NPAT: variants seen among roughly 807,000 people sequenced by gnomAD.
NPAT encodes the protein protein NPAT.
Under a neutral mutation model 130.7 loss-of-function variants are expected in NPAT, and 52 were observed. The ratio of observed to expected loss-of-function variants is 0.40; its 90% confidence interval spans 0.32 to 0.50. NPAT has a LOEUF of 0.50. NPAT is among the 20% of genes least tolerant of loss of function. The pLI is 0.68. For missense variants in NPAT, 1,687 were observed against 1,662.6 expected, an observed-to-expected ratio of 1.01 and a Z score of -0.26; for synonymous variants, 580 against 584.8, an observed-to-expected ratio of 0.99 and a Z score of 0.12.
rs574333453 is a variant in NPAT, at chr11:108,185,374, AT to A, written c.818+28del. ...ATAGTTATGCAATTAGGCAAAAACA[AT>A]TAGGCATTTTAAACATATATAGCTT... is the stretch of plus-strand genomic sequence containing the variant. On this transcript the variant is annotated intron_variant, in intron 9 of 17. Coordinates refer to ENST00000278612, the MANE Select transcript of NPAT (RefSeq NM_002519.3). 4.1e-5 allele frequency: 64 copies of A among 1,577,564 alleles called. No homozygotes were observed. The South Asian group carries it at 6.7e-4, about 17-fold the overall frequency.
chr11:108,216,421 T>A (rs903688648), intron 1 of NPAT, among the ~76,000 whole-genome samples: 6 of 152,006 alleles, frequency 3.9e-5, no homozygotes, highest in African/African-American at 1.5e-4. Context: ...CCTCTTTTTA[T>A]GCATAAATCA....
At chr11:108,164,645 C>G (rs2077884118) in intron 15 of NPAT, among the ~76,000 whole-genome samples, 1 of 152,064 alleles carries the variant, frequency 6.6e-6, no homozygotes, top group South Asian at 2.1e-4. Flanking sequence ...TCTTGTAAGT[C>G]TAATAAAAAG....
In NPAT at chr11:108,189,196, G is replaced by GTGTACC. The variant is rs1477655328; in HGVS notation, c.460_465dup (p.Gly154_Thr155dup). 5 of 1,614,094 alleles carry GTGTACC rather than the reference G, an allele frequency of 3.1e-6. 1 individual carries two copies. In the African/African-American group the frequency reaches 6.7e-5, roughly 22 times the overall value. ...ATTTGGCCACTTGGTCGAGTAACCT[G>GTGTACC]TGTACCTGTGGAAGGAGGAGTGGTA... On this transcript the variant is annotated inframe_insertion, in exon 6 of 18. Transcript: ENST00000278612.
chr11:108,161,979 A>G lies in NPAT; in HGVS notation c.3107T>C (p.Leu1036Pro), dbSNP rs2077856331. 12 of 1,603,470 alleles carry G rather than the reference A, an allele frequency of 7.5e-6. No individual in the cohort carries two copies. Among genetic ancestry groups the G allele is most frequent in the Non-Finnish European group, 1.0e-5 (12 of 1,176,016 alleles). The change falls in exon 17 of 18, where the codon CTT becomes CCT. Residue 1036 changes from leucine (L) to proline (P), a missense_variant. Physicochemically the swap from Leu to Pro is moderately conservative, Grantham distance 98. This residue lies in a region of NPAT where 1,379 missense variants were observed against 1,346.6 expected (regional missense o/e 1.02). Coordinates refer to ENST00000278612, the MANE Select transcript of NPAT (RefSeq NM_002519.3). ...EVSDKSIATD[L>P]GKKSEETTVP... is the part of the protein sequence containing the mutation. ...TGTGGTTTCTTCTGATTTTTTCCCAAGATCTGTGGCAATACTTTTGTCAGA... is the reference window on the plus strand; with the variant it reads ...TGTGGTTTCTTCTGATTTTTTCCCAGGATCTGTGGCAATACTTTTGTCAGA...
chr11:108,214,832 C>A (rs1023287802), intron 1 of NPAT, among the ~76,000 whole-genome samples: 1 of 152,068 alleles, frequency 6.6e-6, no homozygotes, highest in African/African-American at 2.4e-5. Flanking sequence ...GGGGTTTTGC[C>A]ATGTTGGCCA....
Position 108,173,507 on chromosome 11 carries a change from T to G in NPAT, c.1477A>C (p.Asn493His). 6.2e-7 allele frequency: 1 copy of G among 1,614,182 alleles called. No homozygotes were observed. Among genetic ancestry groups the G allele is most frequent in the Middle Eastern group, 1.6e-4 (1 of 6,062 alleles). ...TGTAACTGAGATTCACTCGGTACATTTGAAGACAAAGAGTTCTTTTCAATC... is the reference window on the plus strand; with the variant it reads ...TGTAACTGAGATTCACTCGGTACATGTGAAGACAAAGAGTTCTTTTCAATC... ...IGIEKNSLSS[N>H]VPSESQLQPD... Residue 493 changes from asparagine (N) to histidine (H), a missense_variant, in exon 13 of 18, where the codon AAT (asparagine) becomes CAT (histidine). Around this residue, in one of 3 missense-constraint regions of NPAT, gnomAD observed 1,379 missense variants for 1,346.6 expected, o/e 1.02. Coordinates refer to ENST00000278612, the MANE Select transcript of NPAT (RefSeq NM_002519.3).
intron 6 of NPAT, among the ~76,000 whole-genome samples, chr11:108,188,781 C>T (rs574783629): frequency 1.6e-4 from 24 of 152,272 alleles, no homozygotes; most frequent in African/African-American, 5.5e-4. Context: ...AGACTGACAT[C>T]AACAAAGGCA....
At chr11:108,211,929 GAC>G (rs2078387389) in intron 1 of NPAT, among the ~76,000 whole-genome samples, 1 of 152,038 alleles carries the variant, frequency 6.6e-6, no homozygotes, top group Admixed American at 6.6e-5. Flanking sequence ...CAGCCTGGAT[GAC>G]AGAGTAAGAA....
chr11:108,205,338 G>A (rs2078315763), intron 1 of NPAT, among the ~76,000 whole-genome samples: 1 of 152,218 alleles, frequency 6.6e-6, no homozygotes, highest in South Asian at 2.1e-4. Flanking sequence ...ATAGCTCACT[G>A]TAGCTTTGAA....
chr11:108,179,442 C>T (rs1171853995), intron 10 of NPAT, among the ~76,000 whole-genome samples: 8 of 151,928 alleles, frequency 5.3e-5, no homozygotes, highest in Non-Finnish European at 1.2e-4. Flanking sequence ...TAATTTTGGT[C>T]TCAAACTGGC....
At chr11:108,212,062 AGAGTT>A (rs1213120111) in intron 1 of NPAT, among the ~76,000 whole-genome samples, 1 of 151,532 alleles carries the variant, frequency 6.6e-6, no homozygotes, top group Non-Finnish European at 1.5e-5. Context: ...TCAACCTCAT[AGAGTT>A]ATCTATTAAA....
chr11:108,189,580 C>G (rs552495332), intron 5 of NPAT, among the ~76,000 whole-genome samples: 1 of 152,270 alleles, frequency 6.6e-6, no homozygotes, highest in Admixed American at 6.5e-5. Flanking sequence ...AATTAAGAAA[C>G]CTGAACTTGG....
chr11:108,168,740 T>C (rs192315139), intron 15 of NPAT, among the ~76,000 whole-genome samples: 100 of 151,856 alleles, frequency 6.6e-4, no homozygotes, highest in Non-Finnish European at 1.3e-3. Context: ...AGGGTAAGAG[T>C]TGGGTAAGAA....
At chr11:108,174,831 C>G (rs1445028033) in intron 12 of NPAT, among the ~76,000 whole-genome samples, 1 of 152,024 alleles carries the variant, frequency 6.6e-6, no homozygotes, top group African/African-American at 2.4e-5. Flanking sequence ...GTTGGCTAGG[C>G]TGGTCCTGAA....
chr11:108,212,945 CAAAAAAAA>C (rs34466178), intron 1 of NPAT, among the ~76,000 whole-genome samples: 2 of 36,438 alleles, frequency 5.5e-5, no homozygotes, highest in Middle Eastern at 0.042. Flanking sequence ...GACTCTGTCT[CAAAAAAAA>C]AAAAAAAAAA....
chr11:108,161,300 A>G lies in NPAT; in HGVS notation c.3786T>C (p.Ser1262=), dbSNP rs760725269. ...RHSSVSRLAD[S]SDLPVPRTPG... is the part of the protein sequence containing the mutation. Reference sequence around the variant, plus strand: ...GTGTCCGGGGCACAGGTAAATCACTACTATCAGCAAGCCTACTTACTGAGC... The same window carrying G: ...GTGTCCGGGGCACAGGTAAATCACTGCTATCAGCAAGCCTACTTACTGAGC... The change falls in exon 17 of 18, where the codon AGT becomes AGC. Residue 1262 remains serine (S), a synonymous_variant. Transcript: ENST00000278612. 5.0e-6 allele frequency: 8 copies of G among 1,614,168 alleles called. No homozygotes were observed. Among genetic ancestry groups the G allele is most frequent in the African/African-American group, 1.3e-5 (1 of 75,038 alleles).
intron 15 of NPAT, among the ~76,000 whole-genome samples, 159 bp downstream of exon 15, chr11:108,169,585 G>T (rs2077930865): frequency 6.6e-6 from 1 of 152,190 alleles, no homozygotes; most frequent in South Asian, 2.1e-4. Flanking sequence ...AAGCTGTTCA[G>T]TAACAGTTGG....
chr11:108,209,836 C>T (rs1046445972), intron 1 of NPAT, among the ~76,000 whole-genome samples: 6 of 134,082 alleles, frequency 4.5e-5, no homozygotes, highest in Admixed American at 8.5e-5. Context: ...TTGCAGTGAG[C>T]GGAGATCATG....
Position 108,164,987 on chromosome 11 carries a change from C to A in NPAT, c.3011-2807G>T, listed in dbSNP as rs188869208. 2.6e-3 allele frequency among the ~76,000 whole-genome samples: 390 copies of A among 151,784 alleles called. 2 individuals are homozygous for A. The highest frequency in any genetic ancestry group is 9.1e-3 in the African/African-American group (377 of 41,370). On this transcript the variant is annotated intron_variant, in intron 15 of 17. Coordinates refer to ENST00000278612, the MANE Select transcript of NPAT (RefSeq NM_002519.3). ...GACTGCCACTGCATTCCAGCCTGGG[C>A]GACAAGAGTAAGACTCTGTCTCAAA...
Sources: gnomAD v4.1 joint callset for allele counts (sites outside exome capture counted in the v4.1 genomes callset) on GRCh38, gnomAD v4.1.1 for gene constraint, gnomAD v4.1.1 regional missense constraint, MANE v1.5 for transcripts, NCBI Gene and HGNC (gene_info 2026-07-23, HGNC 2026-07-21) for gene names.